The following NCDN variants were observed in gnomAD, a reference collection of about 807,000 sequenced individuals.
NCDN encodes norbin.
A neutral mutation model predicts 60.7 loss-of-function variants in NCDN; 9 were observed. That is an observed-to-expected ratio of 0.15 (90% confidence interval 0.09 to 0.26). The LOEUF (loss-of-function observed/expected upper bound fraction) is 0.26. Ranked by LOEUF, NCDN falls within the 10% of genes least tolerant of loss-of-function variation. The probability of loss-of-function intolerance (pLI) is 1.00; values close to 1 mark genes in which losing one functional copy is unlikely to be tolerated. For synonymous variants in NCDN, 409 were observed against 442.5 expected (o/e 0.92, Z 0.95); for missense variants, 578 against 975.2 (o/e 0.59, Z 5.42).
Position 35,565,900 on chromosome 1 carries a change from T to G in NCDN, c.*237T>G. ...ATCGGCTTGGAAATCAACGTGGTTG[T>G]CCCCGCCAGGCCGGGGAAGGTTGGA... On this transcript the variant is annotated 3_prime_UTR_variant, in exon 7 of 7. Coordinates refer to ENST00000373243, the MANE Select transcript of NCDN (RefSeq NM_014284.3). This position sits in a 1 kb window ranked among gnomAD's most constrained non-coding sequence, Gnocchi z 8.9. 2 of 522,844 alleles carry G rather than the reference T, an allele frequency of 3.8e-6. No homozygotes were observed. The highest frequency in any genetic ancestry group is 3.6e-5 in the Admixed American group (1 of 27,426). 32.4% of individuals were successfully genotyped at this position (522,844 alleles called of 1,614,324 possible). A position where few individuals can be genotyped will look rare whatever the true frequency, so the allele number is the denominator to read the frequency against.
rs115546115 is a variant in NCDN, at chr1:35,563,211, G to C, written c.1395G>C (p.Leu465=). ...TWPGDALRLL[L]PGWCHLTVED... is the part of the protein sequence containing the mutation. ...CCTTCCACATCCCCAGGCTCCTCCT[G>C]CCTGGCTGGTGCCACCTGACCGTTG... The change falls in exon 5 of 7, where the codon CTG becomes CTC. Residue 465 remains leucine, a synonymous_variant. Coordinates refer to ENST00000373243, the MANE Select transcript of NCDN (RefSeq NM_014284.3). This position sits in a 1 kb window ranked among gnomAD's most constrained non-coding sequence, Gnocchi z 6.6. 5 of 1,612,690 alleles carry C rather than the reference G, an allele frequency of 3.1e-6. No individual in the cohort carries two copies. Among genetic ancestry groups the C allele is most frequent in the Non-Finnish European group, 4.2e-6 (5 of 1,178,908 alleles).
Position 35,563,262 on chromosome 1 carries a change from C to T in NCDN, c.1446C>T (p.Ile482=). The change falls in exon 5 of 7, where the codon ATC becomes ATT. Residue 482 remains isoleucine (I), a synonymous_variant. Coordinates refer to ENST00000373243, the MANE Select transcript of NCDN (RefSeq NM_014284.3). This position sits in a 1 kb window ranked among gnomAD's most constrained non-coding sequence, Gnocchi z 6.6. ...AAGATGGGCCCCGGGAGATCCTGAT[C>T]AAGGAAGGGGCCCCCTCGCTTCTGT... ...TVEDGPREIL[I]KEGAPSLLCK... is the part of the protein sequence containing the mutation. 6.2e-7 allele frequency: 1 copy of T among 1,614,202 alleles called. No homozygotes were observed. The highest frequency in any genetic ancestry group is 8.5e-7 in the Non-Finnish European group (1 of 1,180,036).
chr1:35,560,715 C>T lies in NCDN; in HGVS notation c.564C>T (p.His188=), dbSNP rs369870913. The part of the protein sequence containing the change: ...VSALCQAYLG[H]GYGFDQALAL... ...CCCTATGCCAGGCATACCTGGGGCA[C>T]GGCTATGGCTTTGACCAGGCCCTGG... Residue 188 remains histidine (H), a synonymous_variant, in exon 3 of 7, where the codon CAC becomes CAT. Transcript: ENST00000373243. The surrounding 1 kb of genome is among the most constrained non-coding windows in gnomAD (Gnocchi z 7.6). The T allele has an allele frequency of 2.7e-5, 44 of 1,612,324 alleles. No individual in the cohort carries two copies. Among genetic ancestry groups the T allele is most frequent in the Admixed American group, 8.3e-5 (5 of 60,012 alleles).
In NCDN at chr1:35,565,442, G is replaced by T; in HGVS notation, c.1969G>T (p.Ala657Ser). Residue 657 changes from alanine to serine, a missense_variant, in exon 7 of 7, where the codon GCT (alanine) becomes TCT (serine). Physicochemically the swap from Ala to Ser is moderately conservative, Grantham distance 99 (BLOSUM62 1). Coordinates refer to ENST00000373243, the MANE Select transcript of NCDN (RefSeq NM_014284.3). The surrounding 1 kb of genome is among the most constrained non-coding windows in gnomAD (Gnocchi z 8.9). ...CVPLLPWLAP[A>S]ALRSRWPQEL... ...GCCTCTGCTGCCCTGGCTGGCCCCC[G>T]CTGCCCTGCGCTCCCGCTGGCCGCA... 1.2e-6 allele frequency: 2 copies of T among 1,611,164 alleles called. No individual in the cohort carries two copies. Among genetic ancestry groups the T allele is most frequent in the Non-Finnish European group, 1.7e-6 (2 of 1,178,976 alleles).
In NCDN at chr1:35,562,749, A is replaced by G; in HGVS notation, c.1385+116A>G. On this transcript the variant is annotated intron_variant, in intron 4 of 6. Transcript: ENST00000373243. The surrounding 1 kb of genome is among the most constrained non-coding windows in gnomAD (Gnocchi z 6.8). ...AGGCTTCCTGATTGGGCCATGAGAT[A>G]TCCCTTAGGGTTATTTCTGTTTTGG... 2.9e-6 allele frequency: 4 copies of G among 1,369,024 alleles called. No homozygotes were observed. Among genetic ancestry groups the G allele is most frequent in the South Asian group, 2.9e-5 (2 of 67,798 alleles). The allele number at this position is 1,369,024 out of a possible 1,614,324, so 84.8% of individuals were successfully genotyped here. A position where few individuals can be genotyped will look rare whatever the true frequency, so the allele number is the denominator to read the frequency against.
rs56974171 is a variant in NCDN at position 35,566,629 on chromosome 1, CCACA to C, written c.*1014_*1017del. 27,501 of 268,272 alleles carry C rather than the reference CCACA, an allele frequency of 0.1. 633 individuals carry two copies. The highest frequency in any genetic ancestry group is 0.14 in the African/African-American group (5,344 of 39,128). 16.6% of individuals were successfully genotyped at this position (268,272 alleles called of 1,614,324 possible). A position where few individuals can be genotyped will look rare whatever the true frequency, so the allele number is the denominator to read the frequency against. ...TACCTTTCTTATAAACCCAGGGGGA[CCACA>C]CACACACACACACACACACACACAC... On this transcript the variant is annotated 3_prime_UTR_variant, in exon 7 of 7. Transcript: ENST00000373243. The surrounding 1 kb of genome is among the most constrained non-coding windows in gnomAD (Gnocchi z 5.3).
Position 35,557,984 on chromosome 1 carries a change from T to TCCATCGCGCCATATCGCGACA in NCDN, c.-200_-180dup. 1 of 757,730 alleles carries TCCATCGCGCCATATCGCGACA rather than the reference T, an allele frequency of 1.3e-6. No homozygotes were observed. The highest frequency in any genetic ancestry group is 2.1e-6 in the Non-Finnish European group (1 of 475,054). 46.9% of individuals were successfully genotyped at this position (757,730 alleles called of 1,614,324 possible). A position where few individuals can be genotyped will look rare whatever the true frequency, so the allele number is the denominator to read the frequency against. On this transcript the variant is annotated 5_prime_UTR_variant, in exon 1 of 7. Coordinates refer to ENST00000373243, the MANE Select transcript of NCDN (RefSeq NM_014284.3). Reference sequence around the variant, plus strand: ...CACACCCCGGGGACCCTATCGCGACTCCATCGCGCCATATCGCGACACCAT... The same window carrying TCCATCGCGCCATATCGCGACA: ...CACACCCCGGGGACCCTATCGCGACTCCATCGCGCCATATCGCGACACCATCGCGCCATATCGCGACACCAT...
In NCDN at chr1:35,565,015, T is replaced by C. The variant is rs1465820134; in HGVS notation, c.1754-212T>C. Among the ~76,000 whole-genome samples, 1 of 152,166 alleles carries C rather than the reference T, an allele frequency of 6.6e-6. No individual in the cohort carries two copies. The highest frequency in any genetic ancestry group is 1.5e-5 in the Non-Finnish European group (1 of 68,028). On this transcript the variant is annotated intron_variant, in intron 6 of 6. Coordinates refer to ENST00000373243, the MANE Select transcript of NCDN (RefSeq NM_014284.3). The surrounding 1 kb of genome is among the most constrained non-coding windows in gnomAD (Gnocchi z 8.9). ...CACAACAAATTTCTAAGATGAGCAC[T>C]ATTGGCCCATTTTACAAGTAAAGAA...
rs756238661 is a variant in NCDN at position 35,561,321 on chromosome 1, G to A, written c.1143+27G>A. The A allele has an allele frequency of 2.6e-6, 4 of 1,551,476 alleles. No homozygotes were observed. The highest frequency in any genetic ancestry group is 1.8e-5 in the Admixed American group (1 of 55,940). On this transcript the variant is annotated intron_variant, in intron 3 of 6. Coordinates refer to ENST00000373243, the MANE Select transcript of NCDN (RefSeq NM_014284.3). The surrounding 1 kb of genome is among the most constrained non-coding windows in gnomAD (Gnocchi z 4.9). The stretch of plus-strand genomic sequence containing the variant: ...TGAGGGTGCAGTGACCCACAGAGGG[G>A]GCCCAGTATGGGGGGAGCCAGTGCT...
Position 35,561,393 on chromosome 1 carries a change from C to T in NCDN, c.1143+99C>T. The stretch of plus-strand genomic sequence containing the variant: ...GGAGAATAATGGGGAGACAGCGAAG[C>T]TGCATGTCCACACAAGCTGATACTG... On this transcript the variant is annotated intron_variant, in intron 3 of 6. Transcript: ENST00000373243. The surrounding 1 kb of genome is among the most constrained non-coding windows in gnomAD (Gnocchi z 4.9). The T allele has an allele frequency of 6.2e-6, 9 of 1,452,056 alleles. No homozygotes were observed. Among genetic ancestry groups the T allele is most frequent in the Non-Finnish European group, 6.4e-6 (7 of 1,101,050 alleles). The allele number at this position is 1,452,056 out of a possible 1,614,324, so 89.9% of individuals were successfully genotyped here.
rs1008590796 is a variant in NCDN at position 35,565,797 on chromosome 1, C to G, written c.*134C>G. On this transcript the variant is annotated 3_prime_UTR_variant, in exon 7 of 7. Transcript: ENST00000373243. This position sits in a 1 kb window ranked among gnomAD's most constrained non-coding sequence, Gnocchi z 8.9. The stretch of plus-strand genomic sequence containing the variant: ...AAAACACCCCAGCTTTCTGGCTTTT[C>G]TGAGGGCAAGGGCATGGTGCCCACC... The G allele has an allele frequency of 9.8e-7, 1 of 1,023,838 alleles. No individual in the cohort carries two copies. Among genetic ancestry groups the G allele is most frequent in the Non-Finnish European group, 1.4e-6 (1 of 727,328 alleles). 63.4% of individuals were successfully genotyped at this position (1,023,838 alleles called of 1,614,324 possible). A position where few individuals can be genotyped will look rare whatever the true frequency, so the allele number is the denominator to read the frequency against.
chr1:35,558,333 C>T lies in NCDN; in HGVS notation c.33+110C>T. The T allele has an allele frequency of 6.4e-7, 1 of 1,560,140 alleles. No homozygotes were observed. ...GTTGTCCTGGGAACTATCCGGGACC[C>T]CCTCTTGCTTCTCCAGCCCCTGCCG... On this transcript the variant is annotated intron_variant, in intron 1 of 6. Transcript: ENST00000373243. This position sits in a 1 kb window ranked among gnomAD's most constrained non-coding sequence, Gnocchi z 6.3.
At position 35,563,493 on chromosome 1, in the gene NCDN, A is replaced by T; in HGVS notation, c.1610+67A>T. 1 of 1,527,170 alleles carries T rather than the reference A, an allele frequency of 6.5e-7. No individual in the cohort carries two copies. 94.6% of individuals were successfully genotyped at this position (1,527,170 alleles called of 1,614,324 possible). On this transcript the variant is annotated intron_variant, in intron 5 of 6. Coordinates refer to ENST00000373243, the MANE Select transcript of NCDN (RefSeq NM_014284.3). The surrounding 1 kb of genome is among the most constrained non-coding windows in gnomAD (Gnocchi z 6.6). ...CAAAGGAGGCTGCCCAGTTGCCTCA[A>T]TTCTCAGTCTCCTACTTTGCCCCCC...
chr1:35,564,888 T>C lies in NCDN; in HGVS notation c.1754-339T>C, dbSNP rs55927013. On this transcript the variant is annotated intron_variant, in intron 6 of 6. Coordinates refer to ENST00000373243, the MANE Select transcript of NCDN (RefSeq NM_014284.3). ...TGTCTGAGCTCTGTGTCCAGAACCC[T>C]GAGGGGTTCTCTCTCCCATCTGACC... Among the ~76,000 whole-genome samples, 172 of 152,218 alleles carry C rather than the reference T, an allele frequency of 1.1e-3. 1 individual carries two copies. Among genetic ancestry groups the C allele is most frequent in the African/African-American group, 3.5e-3 (147 of 41,534 alleles).
rs915088717 is a variant in NCDN, at chr1:35,562,893, A to G, written c.1385+260A>G. On this transcript the variant is annotated intron_variant, in intron 4 of 6. Coordinates refer to ENST00000373243, the MANE Select transcript of NCDN (RefSeq NM_014284.3). The surrounding 1 kb of genome is among the most constrained non-coding windows in gnomAD (Gnocchi z 6.8). ...TACTACGAGCCAGGTATTTTGCTAT[A>G]CCCTTTACCAAAATGATCTCATTTG... Among the ~76,000 whole-genome samples, 5 of 152,172 alleles carry G rather than the reference A, an allele frequency of 3.3e-5. No homozygotes were observed. The highest frequency in any genetic ancestry group is 1.2e-4 in the African/African-American group (5 of 41,430).
rs1648731011 is a variant in NCDN, at chr1:35,562,315, T to TTC, written c.1144-75_1144-74dup. The TTC allele has an allele frequency of 1.3e-6, 2 of 1,561,334 alleles. No individual in the cohort carries two copies. Among genetic ancestry groups the TTC allele is most frequent in the Non-Finnish European group, 1.7e-6 (2 of 1,152,272 alleles). ...CAGAATTTCCTTCTAGTTGTATTAT[T>TTC]TCTAGCTGGCTGGCCTCTGGCAAGG... On this transcript the variant is annotated intron_variant, in intron 3 of 6. Transcript: ENST00000373243. This position sits in a 1 kb window ranked among gnomAD's most constrained non-coding sequence, Gnocchi z 6.8.
Position 35,565,213 on chromosome 1 carries a change from C to A in NCDN, c.1754-14C>A. 6.3e-7 allele frequency: 1 copy of A among 1,589,088 alleles called. No individual in the cohort carries two copies. The highest frequency in any genetic ancestry group is 8.6e-7 in the Non-Finnish European group (1 of 1,163,260). On this transcript the variant is annotated splice_polypyrimidine_tract_variant and intron_variant, in intron 6 of 6. Coordinates refer to ENST00000373243, the MANE Select transcript of NCDN (RefSeq NM_014284.3). This position sits in a 1 kb window ranked among gnomAD's most constrained non-coding sequence, Gnocchi z 8.9. ...CTGTCCGATTCATGCCCCACTCCTT[C>A]CGTTACCTTGCAGCTCTTCAGGGAA...
intron 6 of NCDN, among the ~76,000 whole-genome samples, chr1:35,564,139 A>G (rs1648797608): frequency 6.6e-6 from 1 of 152,222 alleles, no homozygotes; most frequent in South Asian, 2.1e-4. Flanking sequence ...TGTTAAGTAC[A>G]GACCTGCTCA....
rs1326537906 is a variant in NCDN, at chr1:35,562,770, T to C, written c.1385+137T>C. ...AGATATCCCTTAGGGTTATTTCTGT[T>C]TTGGGGGGCTTGTTCCCACAGGACT... On this transcript the variant is annotated intron_variant, in intron 4 of 6. Transcript: ENST00000373243. The surrounding 1 kb of genome is among the most constrained non-coding windows in gnomAD (Gnocchi z 6.8). The C allele has an allele frequency of 4.7e-6, 6 of 1,278,846 alleles. No homozygotes were observed. Among genetic ancestry groups the C allele is most frequent in the Non-Finnish European group, 5.2e-6 (5 of 957,156 alleles). The allele number at this position is 1,278,846 out of a possible 1,614,324, so 79.2% of individuals were successfully genotyped here.
Sources: allele counts gnomAD v4.1 joint callset (sites outside exome capture counted in the v4.1 genomes callset), GRCh38; gene constraint gnomAD v4.1.1; non-coding constraint Gnocchi (gnomAD v3.1); transcripts MANE v1.5; gene names NCBI Gene and HGNC (gene_info 2026-07-23, HGNC 2026-07-21).